The following PAK1 variants were observed in gnomAD, a reference collection of about 807,000 sequenced individuals.
The protein encoded by PAK1 is p21 (RAC1) activated kinase 1, also known as serine/threonine-protein kinase PAK 1.
Under a neutral mutation model 67.4 loss-of-function variants are expected in PAK1, and 29 were observed. The ratio of observed to expected loss-of-function variants is 0.43; its 90% confidence interval spans 0.32 to 0.59. The LOEUF (loss-of-function observed/expected upper bound fraction) is 0.59, where lower values mean the gene tolerates loss of function less well. Among genes scored for constraint, PAK1 ranks in the 20% least tolerant of loss-of-function variants. The pLI, the probability that PAK1 is intolerant of heterozygous loss-of-function variation, is 0.07. For missense variants in PAK1, 337 were observed against 670.7 expected (o/e 0.50, Z 5.50); for synonymous variants, 223 against 237.4 (o/e 0.94, Z 0.56).
chr11:77,492,838 A>G, the PAK1 span, among the ~76,000 whole-genome samples: 1 of 152,082 alleles, frequency 6.6e-6, no homozygotes, highest in Non-Finnish European at 1.5e-5. Context: ...TTAAAAGTGT[A>G]TAGCACCTAC....
chr11:77,461,647 A>G (rs1957350109), intron 1 of PAK1, among the ~76,000 whole-genome samples: 1 of 152,188 alleles, frequency 6.6e-6, no homozygotes, highest in African/African-American at 2.4e-5. Flanking sequence ...TTACAACTAC[A>G]TGTATGTTTA....
intron 1 of PAK1, among the ~76,000 whole-genome samples, chr11:77,399,107 A>T (rs1952238891): frequency 6.6e-6 from 1 of 152,264 alleles, no homozygotes; most frequent in South Asian, 2.1e-4. Context: ...TTCAGCTTAC[A>T]TATAAAAATA....
chr11:77,467,752 ATAT>A (rs1281697825), intron 1 of PAK1, among the ~76,000 whole-genome samples: 1 of 152,228 alleles, frequency 6.6e-6, no homozygotes, highest in East Asian at 1.9e-4. Flanking sequence ...ACTTTTACAT[ATAT>A]TATTAATCTT....
chr11:77,343,967 T>A lies in PAK1; in HGVS notation c.886-36A>T, dbSNP rs1186873155. 2.9e-6 allele frequency: 4 copies of A among 1,382,766 alleles called. No homozygotes were observed. The Admixed American group carries it at 6.7e-5, about 23-fold the overall frequency. 85.7% of individuals were successfully genotyped at this position (1,382,766 alleles called of 1,614,324 possible). A position where few individuals can be genotyped will look rare whatever the true frequency, so the allele number is the denominator to read the frequency against. On this transcript the variant is annotated intron_variant, in intron 9 of 14. Transcript: ENST00000356341. ...GAGTATATTCAATGTGCAACCATAG[T>A]CATTCCCATTTATTGAGCACCTGCT...
chr11:77,443,698 T>G (rs1956466001), intron 1 of PAK1, among the ~76,000 whole-genome samples: 1 of 152,168 alleles, frequency 6.6e-6, no homozygotes, highest in Admixed American at 6.5e-5. Context: ...TTCCATTAAT[T>G]CAGTAAGCTT....
the PAK1 span, among the ~76,000 whole-genome samples, chr11:77,487,887 G>A: frequency 6.6e-6 from 1 of 152,176 alleles, no homozygotes; most frequent in Non-Finnish European, 1.5e-5. Context: ...ACACAAGCCT[G>A]GCTGGCTTCT....
chr11:77,442,816 T>C (rs1956414298), intron 1 of PAK1, among the ~76,000 whole-genome samples: 1 of 152,122 alleles, frequency 6.6e-6, no homozygotes, highest in Non-Finnish European at 1.5e-5. Context: ...AAACCAAAAG[T>C]CCAGCCGAAA....
chr11:77,510,995 A>G, the PAK1 span, among the ~76,000 whole-genome samples: 2 of 152,354 alleles, frequency 1.3e-5, no homozygotes, highest in East Asian at 3.9e-4. Context: ...GGCAAAGAAG[A>G]GCTGACTATG....
At chr11:77,388,002 A>G (rs1326879863) in intron 2 of PAK1, among the ~76,000 whole-genome samples, 1 of 152,246 alleles carries the variant, frequency 6.6e-6, no homozygotes, top group African/African-American at 2.4e-5. Context: ...TATAGCCATC[A>G]AGGGTCTTAA....
intron 11 of PAK1, among the ~76,000 whole-genome samples, chr11:77,338,428 G>A (rs1943071732): frequency 6.6e-6 from 1 of 152,080 alleles, no homozygotes; most frequent in South Asian, 2.1e-4. Context: ...TTCTTAGAAG[G>A]GTGGAGAAAC....
chr11:77,465,793 T>C (rs1205935162), intron 1 of PAK1, among the ~76,000 whole-genome samples: 1 of 151,770 alleles, frequency 6.6e-6, no homozygotes, highest in Non-Finnish European at 1.5e-5. Flanking sequence ...CTACAAAAAA[T>C]ACAAAAATTA....
At chr11:77,429,640 CAA>C (rs1955767079) in intron 1 of PAK1, among the ~76,000 whole-genome samples, 1 of 152,128 alleles carries the variant, frequency 6.6e-6, no homozygotes, top group African/African-American at 2.4e-5. Context: ...TGATATTCTA[CAA>C]AATAATTGGC....
the PAK1 span, among the ~76,000 whole-genome samples, chr11:77,516,578 G>T: frequency 2.0e-5 from 3 of 152,144 alleles, no homozygotes; most frequent in Admixed American, 2.0e-4. Context: ...TGTGAGATAA[G>T]GACTCTTTTG....
chr11:77,496,808 A>T, the PAK1 span, among the ~76,000 whole-genome samples: 2 of 151,772 alleles, frequency 1.3e-5, no homozygotes, highest in Non-Finnish European at 2.9e-5. Flanking sequence ...TGGTGAGTGC[A>T]CATAATCACA....
At chr11:77,448,237 G>C (rs1473859229) in intron 1 of PAK1, among the ~76,000 whole-genome samples, 1 of 152,154 alleles carries the variant, frequency 6.6e-6, no homozygotes, top group South Asian at 2.1e-4. Flanking sequence ...ATATGTCAGA[G>C]ACCTGTTGTG....
chr11:77,469,175 T>C (rs1957735832), intron 1 of PAK1, among the ~76,000 whole-genome samples: 1 of 152,170 alleles, frequency 6.6e-6, no homozygotes. Context: ...AAATAGCACA[T>C]AGCTGCTGGA....
chr11:77,489,862 G>A, the PAK1 span, among the ~76,000 whole-genome samples: 110 of 152,252 alleles, frequency 7.2e-4, 1 homozygote, highest in African/African-American at 2.5e-3. Context: ...GCCTCTGCCC[G>A]GCCACCACCC....
chr11:77,336,443 G>A (rs574605823), intron 12 of PAK1, among the ~76,000 whole-genome samples, 161 bp from the exon 13 acceptor site: 1 of 152,128 alleles, frequency 6.6e-6, no homozygotes, highest in Non-Finnish European at 1.5e-5. Flanking sequence ...TTCATGTCTA[G>A]CTCCTAGCCT....
At chr11:77,520,916 C>T in the PAK1 span, among the ~76,000 whole-genome samples, 1 of 152,162 alleles carries the variant, frequency 6.6e-6, no homozygotes, top group Non-Finnish European at 1.5e-5. Context: ...GCAACTGTGA[C>T]AGGGTGCCAC....
Sources: allele counts gnomAD v4.1 joint callset (sites outside exome capture counted in the v4.1 genomes callset), GRCh38; gene constraint gnomAD v4.1.1; transcripts MANE v1.5; gene names NCBI Gene and HGNC (gene_info 2026-07-23, HGNC 2026-07-21).